Variants in ACSF3 observed in about 807,000 individuals in gnomAD.
ACSF3 encodes the protein malonate--CoA ligase ACSF3, mitochondrial.
ACSF3 carries 78 observed loss-of-function variants against 53.2 expected under a neutral mutation model. The ratio of observed to expected loss-of-function variants is 1.47; its 90% CI spans 1.22 to 1.77. The LOEUF is 1.77. Ranked by LOEUF, ACSF3 falls within the 40% of genes most tolerant of loss-of-function variation. The pLI is 0.00. For synonymous variants in ACSF3, 414 were observed against 333.1 expected (o/e 1.24, Z -2.65); for missense variants, 937 against 771.1 (o/e 1.22, Z -2.55).
chr16:89,154,742 C>G lies in ACSF3; in HGVS notation c.*535C>G. 1 of 454,154 alleles carries G rather than the reference C, an allele frequency of 2.2e-6. No individual in the cohort carries two copies. 28.1% of individuals were successfully genotyped at this position (454,154 alleles called of 1,614,324 possible). A position where few individuals can be genotyped will look rare whatever the true frequency, so the allele number is the denominator to read the frequency against. ...CAGAACCAGCCCTGTCCCATGGGTTCCGTGCATTTCCTGGTGCTGCTCTTG... is the reference window on the plus strand; with the variant it reads ...CAGAACCAGCCCTGTCCCATGGGTTGCGTGCATTTCCTGGTGCTGCTCTTG... On this transcript the variant is annotated 3_prime_UTR_variant, in exon 11 of 11. Coordinates refer to ENST00000614302, the MANE Select transcript of ACSF3 (RefSeq NM_001243279.3).
intron 8 of ACSF3, among the ~76,000 whole-genome samples, chr16:89,135,508 C>T (rs546859323): frequency 6.6e-6 from 1 of 152,376 alleles, no homozygotes; most frequent in Admixed American, 6.5e-5. Flanking sequence ...CCTTCGTGGG[C>T]TGGACATCAG....
chr16:89,136,400 C>T, intron 8 of ACSF3: 1 of 725,500 alleles, frequency 1.4e-6, no homozygotes, highest in Non-Finnish European at 1.9e-6. Context: ...GGGGGTAAGG[C>T]CTGGAAGCCG....
chr16:89,098,660 T>C lies in ACSF3; in HGVS notation c.-124T>C. ...GCCCCAGGAGGATGAGCATTTGCAT[T>C]GCCTGCACCTTATCGTGCCCTTCCA... On this transcript the variant is annotated 5_prime_UTR_variant, in exon 2 of 11. Coordinates refer to ENST00000614302, the MANE Select transcript of ACSF3 (RefSeq NM_001243279.3). 2.2e-6 allele frequency: 1 copy of C among 454,152 alleles called. No homozygotes were observed. The highest frequency in any genetic ancestry group is 4.4e-6 in the Non-Finnish European group (1 of 226,794). 28.1% of individuals were successfully genotyped at this position (454,152 alleles called of 1,614,324 possible).
Position 89,141,514 on chromosome 16 carries a change from G to A in ACSF3, c.1367-3753G>A, listed in dbSNP as rs371561621. Among the ~76,000 whole-genome samples the A allele has an allele frequency of 5.3e-5, 8 of 152,254 alleles. No homozygotes were observed. In the East Asian group the frequency reaches 1.2e-3, roughly 22 times the overall value. ...GGGGCAGAGGGGCCATGTTTGTGCA[G>A]CAGGATGGACCCTGGAGGGCCCCGG... On this transcript the variant is annotated intron_variant, in intron 8 of 10. Coordinates refer to ENST00000614302, the MANE Select transcript of ACSF3 (RefSeq NM_001243279.3).
chr16:89,128,943 T>G (rs896171279), intron 7 of ACSF3, among the ~76,000 whole-genome samples: 1 of 149,498 alleles, frequency 6.7e-6, no homozygotes, highest in African/African-American at 2.5e-5. Context: ...CTGAGCAACA[T>G]AGTGAGACCC....
intron 6 of ACSF3, among the ~76,000 whole-genome samples, chr16:89,119,881 AC>A (rs534288820): frequency 9.2e-5 from 14 of 152,252 alleles, no homozygotes; most frequent in African/African-American, 2.9e-4. Context: ...CTCGATGCTG[AC>A]CCTTGAAGTG....
intron 9 of ACSF3, 26 bp from the exon 10 acceptor site, chr16:89,145,912 T>C: frequency 1.3e-6 from 2 of 1,596,870 alleles, no homozygotes; most frequent in Non-Finnish European, 1.7e-6. Context: ...CATCCCCATG[T>C]TCTCAAACTG....
chr16:89,096,799 C>T (rs1364716384), intron 1 of ACSF3, among the ~76,000 whole-genome samples: 1 of 152,340 alleles, frequency 6.6e-6, no homozygotes, highest in East Asian at 1.9e-4. Context: ...CCCCACCAGG[C>T]CCCCGTCCGT....
chr16:89,110,699 G>T (rs906408287), intron 4 of ACSF3, among the ~76,000 whole-genome samples: 4 of 152,194 alleles, frequency 2.6e-5, no homozygotes, highest in African/African-American at 7.2e-5. Context: ...AATAAAGCTT[G>T]CCGGAATTTT....
intron 4 of ACSF3, among the ~76,000 whole-genome samples, chr16:89,110,831 G>A (rs1009369571): frequency 5.3e-5 from 8 of 152,052 alleles, no homozygotes; most frequent in Non-Finnish European, 1.2e-4. Flanking sequence ...TCCCTCCCTC[G>A]ATGGCAGTGT....
rs118065221 is a variant in ACSF3, at chr16:89,133,114, C to T, written c.1240-22C>T. ...AAGAGGGTGTGCCCAGCTCTGACCT[C>T]CATGTTCTTCATCCTCCACAGGTGA... On this transcript the variant is annotated intron_variant, in intron 7 of 10. Transcript: ENST00000614302. The T allele has an allele frequency of 0.014, 21,787 of 1,613,122 alleles. 180 individuals are homozygous for T. Among genetic ancestry groups the T allele is most frequent in the Non-Finnish European group, 0.016 (18,483 of 1,179,936 alleles).
At chr16:89,115,863 G>T (rs1038897730) in intron 6 of ACSF3, among the ~76,000 whole-genome samples, 1 of 152,216 alleles carries the variant, frequency 6.6e-6, no homozygotes, top group Admixed American at 6.5e-5. Context: ...GTTTTCTTGA[G>T]TTTTGAGAGC....
intron 8 of ACSF3, chr16:89,141,306 G>A (rs764411778): frequency 3.1e-4 from 398 of 1,286,312 alleles, no homozygotes; most frequent in Non-Finnish European, 3.6e-4. Context: ...GTCTGGGAAT[G>A]GGCAGGGAGA....
At chr16:89,143,754 C>T (rs1019717080) in intron 8 of ACSF3, among the ~76,000 whole-genome samples, 1 of 152,168 alleles carries the variant, frequency 6.6e-6, no homozygotes, top group Non-Finnish European at 1.5e-5. Flanking sequence ...GGTTTTTCTG[C>T]TACCCATCAG....
At position 89,099,378 on chromosome 16, in the gene ACSF3, C is replaced by T. The variant is rs200914119; in HGVS notation, c.-21+615C>T. ...CGCGCGACCCCTCCCAGGGAGCCCT[C>T]GCTTCCTGCTGATTTATTTGTTATT... On this transcript the variant is annotated intron_variant, in intron 2 of 10. Coordinates refer to ENST00000614302, the MANE Select transcript of ACSF3 (RefSeq NM_001243279.3). Among the ~76,000 whole-genome samples the T allele has an allele frequency of 2.7e-4, 41 of 152,352 alleles. No individual in the cohort carries two copies. The East Asian group carries it at 4.4e-3, about 16-fold the overall frequency.
At chr16:89,141,488 T>A (rs145880730) in intron 8 of ACSF3, among the ~76,000 whole-genome samples, 1 of 152,282 alleles carries the variant, frequency 6.6e-6, no homozygotes, top group Non-Finnish European at 1.5e-5. Context: ...GCAGGGGTAC[T>A]GGGGCAGAGG....
At position 89,110,563 on chromosome 16, in the gene ACSF3, A is replaced by T. The variant is rs74637657; in HGVS notation, c.823-1529A>T. ...ACACTGTGTTCGTTACTTCTGGTTT[A>T]CGTCAGTTTTGGAGTTGGGAACTGT... On this transcript the variant is annotated intron_variant, in intron 4 of 10. Coordinates refer to ENST00000614302, the MANE Select transcript of ACSF3 (RefSeq NM_001243279.3). Among the ~76,000 whole-genome samples, 1,068 of 152,352 alleles carry T rather than the reference A, an allele frequency of 7.0e-3. 28 individuals carry two copies. In the East Asian group the frequency reaches 0.1, roughly 15 times the overall value.
chr16:89,102,532 C>T (rs1975466328), intron 3 of ACSF3, 72 bp from the exon 4 acceptor site: 1 of 1,579,738 alleles, frequency 6.3e-7, no homozygotes, highest in Non-Finnish European at 8.7e-7. Flanking sequence ...TTTCCGTGAG[C>T]CCGAGGTCTG....
At chr16:89,117,518 C>T (rs954395936) in intron 6 of ACSF3, among the ~76,000 whole-genome samples, 10 of 152,118 alleles carry the variant, frequency 6.6e-5, no homozygotes, top group South Asian at 2.1e-4. Flanking sequence ...CCACTGTCTA[C>T]ACCCAGGGAG....
Sources: allele counts gnomAD v4.1 joint callset (sites outside exome capture counted in the v4.1 genomes callset), GRCh38; gene constraint gnomAD v4.1.1; transcripts MANE v1.5; gene names NCBI Gene and HGNC (gene_info 2026-07-23, HGNC 2026-07-21).